The following AGMO variants were observed in gnomAD, a reference collection of about 807,000 sequenced individuals.
The protein encoded by AGMO is glyceryl-ether monooxygenase.
In AGMO, 75 loss-of-function variants were observed where a neutral mutation model predicts 60.2. The ratio of observed to expected loss-of-function variants is 1.25; its 90% CI spans 1.03 to 1.51. The LOEUF (loss-of-function observed/expected upper bound fraction) is 1.51, where lower values mean the gene tolerates loss of function less well. AGMO is among the 40% of genes most tolerant of loss of function. The probability of loss-of-function intolerance (pLI) is 0.00; values close to 1 mark genes in which losing one functional copy is unlikely to be tolerated. For missense variants in AGMO, 763 were observed against 525.5 expected, an observed-to-expected ratio of 1.45 and a Z score of -4.42; for synonymous variants, 261 against 177.1, an observed-to-expected ratio of 1.47 and a Z score of -3.76.
the AGMO span, among the ~76,000 whole-genome samples, chr7:15,181,812 G>C: frequency 6.6e-6 from 1 of 152,174 alleles, no homozygotes; most frequent in East Asian, 1.9e-4. Flanking sequence ...TGCATTGATT[G>C]ATAGTGGGTG....
At chr7:15,541,519 C>T (rs887388960) in intron 3 of AGMO, among the ~76,000 whole-genome samples, 1 of 152,144 alleles carries the variant, frequency 6.6e-6, no homozygotes, top group African/African-American at 2.4e-5. Context: ...ATCATCAAAG[C>T]TGTCTATAAT....
chr7:15,251,264 C>A (rs556323460), intron 12 of AGMO, among the ~76,000 whole-genome samples: 3 of 151,930 alleles, frequency 2.0e-5, no homozygotes, highest in Admixed American at 2.0e-4. Context: ...AATTAGATAC[C>A]CTCCTAGAGA....
the AGMO span, among the ~76,000 whole-genome samples, chr7:15,170,409 A>T: frequency 6.6e-6 from 1 of 152,228 alleles, no homozygotes; most frequent in African/African-American, 2.4e-5. Flanking sequence ...ACATAGAAAA[A>T]TATAGATAAA....
chr7:15,352,359 G>A (rs1457565109), intron 12 of AGMO, among the ~76,000 whole-genome samples: 3 of 151,930 alleles, frequency 2.0e-5, no homozygotes, highest in Admixed American at 1.3e-4. Flanking sequence ...AACTGCAGCT[G>A]TTGGCTGCCA....
the AGMO span, among the ~76,000 whole-genome samples, chr7:15,186,522 G>A: frequency 4.6e-5 from 7 of 152,138 alleles, no homozygotes; most frequent in African/African-American, 1.7e-4. Context: ...AGAATGAGTA[G>A]GAAGAAACCC....
chr7:15,413,895 C>T lies in AGMO; in HGVS notation c.609+4663G>A, dbSNP rs558816179. Among the ~76,000 whole-genome samples the T allele has an allele frequency of 7.1e-4, 108 of 152,300 alleles. 1 individual carries two copies. The highest frequency in any genetic ancestry group is 1.3e-3 in the Non-Finnish European group (88 of 68,022). On this transcript the variant is annotated intron_variant, in intron 5 of 12. Transcript: ENST00000342526. ...AGAATGAAGACGATTAGAAGGTAAA[C>T]ATCTGGGCAAATAAAGAAGATTAAC...
At chr7:15,313,215 G>A (rs570082908) in intron 12 of AGMO, among the ~76,000 whole-genome samples, 49 of 152,256 alleles carry the variant, frequency 3.2e-4, no homozygotes, top group African/African-American at 1.2e-3. Context: ...CTGATCCCCT[G>A]TAGTAAAAGT....
chr7:15,418,331 A>G (rs932813949), intron 5 of AGMO, among the ~76,000 whole-genome samples: 1 of 152,082 alleles, frequency 6.6e-6, no homozygotes, highest in East Asian at 1.9e-4. Flanking sequence ...TTGGCACTTA[A>G]TAGTTCAAAA....
At chr7:15,338,955 A>T (rs1781747799) in intron 12 of AGMO, among the ~76,000 whole-genome samples, 1 of 152,188 alleles carries the variant, frequency 6.6e-6, no homozygotes, top group Admixed American at 6.6e-5. Flanking sequence ...TCAATTCTCC[A>T]GATACATTTT....
At chr7:15,560,093 T>TA (rs1203430271) in intron 2 of AGMO, 48 bp downstream of exon 2, 1 of 1,498,536 alleles carries the variant, frequency 6.7e-7, no homozygotes, top group South Asian at 1.3e-5. Flanking sequence ...CCCTCATACT[T>TA]AGGCAATTTC....
At position 15,354,407 on chromosome 7, in the gene AGMO, CACACGT is replaced by C. The variant is rs1563105377; in HGVS notation, c.1263+11101_1263+11106del. 9.6e-3 allele frequency among the ~76,000 whole-genome samples: 185 copies of C among 19,266 alleles called. 24 individuals are homozygous for C. The highest frequency in any genetic ancestry group is 0.049 in the African/African-American group (161 of 3,254). 12.6% of individuals were successfully genotyped at this position (19,266 alleles called of 152,430 possible). A position where few individuals can be genotyped will look rare whatever the true frequency, so the allele number is the denominator to read the frequency against. On this transcript the variant is annotated intron_variant, in intron 12 of 12. Coordinates refer to ENST00000342526, the MANE Select transcript of AGMO (RefSeq NM_001004320.2). ...ACGTGTGTGTATACACGTGTGTGTACACACGTGTGTGTATACACACACGTGTGTGTA... is the reference window on the plus strand; with the variant it reads ...ACGTGTGTGTATACACGTGTGTGTACGTGTGTATACACACACGTGTGTGTA...
intron 12 of AGMO, among the ~76,000 whole-genome samples, chr7:15,221,072 G>GA (rs1781905421): frequency 1.3e-5 from 2 of 152,188 alleles, no homozygotes; most frequent in Admixed American, 6.5e-5. Flanking sequence ...AAAAGAAGGA[G>GA]AAAGAGGCAA....
chr7:15,499,542 T>G (rs1783322462), intron 3 of AGMO, among the ~76,000 whole-genome samples: 1 of 151,986 alleles, frequency 6.6e-6, no homozygotes, highest in East Asian at 1.9e-4. Context: ...TCATGCAATG[T>G]TGATGCATAT....
chr7:15,190,631 G>A, the AGMO span, among the ~76,000 whole-genome samples: 42 of 152,142 alleles, frequency 2.8e-4, no homozygotes, highest in Middle Eastern at 3.4e-3. Flanking sequence ...TTCTAAGGTT[G>A]TCCCCATTGA....
At chr7:15,509,205 G>A (rs920432564) in intron 3 of AGMO, among the ~76,000 whole-genome samples, 8 of 151,986 alleles carry the variant, frequency 5.3e-5, no homozygotes, top group African/African-American at 1.9e-4. Context: ...GTTACACTAT[G>A]GTACTGGTAT....
chr7:15,301,603 G>C (rs1784561145), intron 12 of AGMO, among the ~76,000 whole-genome samples: 1 of 152,044 alleles, frequency 6.6e-6, no homozygotes, highest in Non-Finnish European at 1.5e-5. Flanking sequence ...AGATGAATAT[G>C]TAAGCAAAAG....
the AGMO span, among the ~76,000 whole-genome samples, chr7:15,150,796 G>T: frequency 6.6e-6 from 1 of 152,032 alleles, no homozygotes; most frequent in Non-Finnish European, 1.5e-5. Flanking sequence ...GGTTTTGTTA[G>T]TATCAGAATG....
rs925063642 is a variant in AGMO at position 15,561,440 on chromosome 7, T to A, written c.126+280A>T. Among the ~76,000 whole-genome samples, 27 of 152,326 alleles carry A rather than the reference T, an allele frequency of 1.8e-4. 4 individuals are homozygous for A. The highest frequency in any genetic ancestry group is 1.7e-3 in the Admixed American group (26 of 15,292). The stretch of plus-strand genomic sequence containing the variant: ...GTCATTGAGCTTCCAATAGCTACAT[T>A]TACAATGCCATGGAGTCCAGGAAAA... On this transcript the variant is annotated intron_variant, in intron 1 of 12. Coordinates refer to ENST00000342526, the MANE Select transcript of AGMO (RefSeq NM_001004320.2).
At chr7:15,226,114 C>G (rs1174445931) in intron 12 of AGMO, among the ~76,000 whole-genome samples, 1 of 151,984 alleles carries the variant, frequency 6.6e-6, no homozygotes, top group African/African-American at 2.4e-5. Context: ...AAAAACTAGC[C>G]TTTCTCACCT....
Sources: gnomAD v4.1 joint callset for allele counts (sites outside exome capture counted in the v4.1 genomes callset) on GRCh38, gnomAD v4.1.1 for gene constraint, MANE v1.5 for transcripts, NCBI Gene and HGNC (gene_info 2026-07-23, HGNC 2026-07-21) for gene names.